Variants in KIAA1549 observed in about 807,000 individuals in gnomAD.
KIAA1549 encodes the protein UPF0606 protein KIAA1549.
Under a neutral mutation model 156.4 loss-of-function variants are expected in KIAA1549, and 70 were observed. The observed-to-expected ratio is 0.45, with a 90% CI of 0.37 to 0.55. The LOEUF is 0.55. Ranked by LOEUF, KIAA1549 falls within the 20% of genes least tolerant of loss-of-function variation. The pLI is 0.00. For synonymous variants in KIAA1549, 1,103 were observed against 1,066.4 expected (o/e 1.03, Z -0.67); for missense variants, 2,428 against 2,540.9 (o/e 0.96, Z 0.96).
chr7:138,959,809 T>A (rs960943395), intron 1 of KIAA1549, among the ~76,000 whole-genome samples: 4 of 152,224 alleles, frequency 2.6e-5, no homozygotes, highest in African/African-American at 9.6e-5. Flanking sequence ...TTTGTGAGGA[T>A]CAGAGAGCAA....
chr7:138,868,078 C>G lies in KIAA1549; in HGVS notation c.4826G>C (p.Gly1609Ala). Residue 1609 changes from glycine to alanine, a missense_variant, in exon 15 of 20, where the codon GGC becomes GCC. Physicochemically the swap from Gly to Ala is moderately conservative, Grantham distance 60. This residue lies in a region of KIAA1549 where 404 missense variants were observed against 417.0 expected (regional missense o/e 0.97). Coordinates refer to ENST00000422774, the MANE Select transcript of KIAA1549 (RefSeq NM_001164665.2). ...GTCCTTCTCAGCGTCGGCAGGACAGCCGTTGACCTGGTGTTTCCGGCGAGG... is the reference window on the plus strand; with the variant it reads ...GTCCTTCTCAGCGTCGGCAGGACAGGCGTTGACCTGGTGTTTCCGGCGAGG... Reference protein sequence around the residue: ...PKPRRKHQVNGCPADAEKDRL... With the variant: ...PKPRRKHQVNACPADAEKDRL... The G allele has an allele frequency of 6.2e-7, 1 of 1,613,856 alleles. No homozygotes were observed. The highest frequency in any genetic ancestry group is 8.5e-7 in the Non-Finnish European group (1 of 1,179,866).
intron 1 of KIAA1549, among the ~76,000 whole-genome samples, chr7:138,974,808 G>A (rs1469061606): frequency 6.7e-6 from 1 of 150,220 alleles, no homozygotes; most frequent in Non-Finnish European, 1.5e-5. Context: ...CTAGTTGCCT[G>A]GTCAAATAAA....
At chr7:138,898,226 G>C (rs1383944398) in intron 9 of KIAA1549, among the ~76,000 whole-genome samples, 2 of 149,168 alleles carry the variant, frequency 1.3e-5, no homozygotes, top group Non-Finnish European at 3.0e-5. Context: ...AGAATCACTT[G>C]AACCCGGGAG....
chr7:138,954,546 T>C (rs1813604672), intron 1 of KIAA1549, among the ~76,000 whole-genome samples: 1 of 152,120 alleles, frequency 6.6e-6, no homozygotes, highest in Non-Finnish European at 1.5e-5. Flanking sequence ...CAGGCTCCTG[T>C]TCTCTGGCCA....
chr7:138,879,470 G>A, intron 12 of KIAA1549, 68 bp downstream of exon 12: 3 of 893,600 alleles, frequency 3.4e-6, no homozygotes, highest in Non-Finnish European at 3.4e-6. Context: ...TTGAAATACT[G>A]TAAGGCCCCA....
rs574727442 is a variant in KIAA1549 at position 138,977,194 on chromosome 7, T to G, written c.187+3889A>C. Reference sequence around the variant, plus strand: ...TATGTAAAATTTAAAAGAAATTCCTTTGGAAGGGGAAAACGCAACATATAG... The same window carrying G: ...TATGTAAAATTTAAAAGAAATTCCTGTGGAAGGGGAAAACGCAACATATAG... On this transcript the variant is annotated intron_variant, in intron 1 of 19. Transcript: ENST00000422774. Among the ~76,000 whole-genome samples the G allele has an allele frequency of 2.0e-5, 3 of 152,328 alleles. No individual in the cohort carries two copies. In the South Asian group the frequency reaches 6.2e-4, roughly 32 times the overall value.
intron 1 of KIAA1549, among the ~76,000 whole-genome samples, chr7:138,919,938 G>T (rs777623939): frequency 3.3e-4 from 50 of 152,262 alleles, no homozygotes; most frequent in Non-Finnish European, 6.9e-4. Context: ...ACAACTCATT[G>T]CATCTCTCAC....
chr7:138,909,063 A>C lies in KIAA1549; in HGVS notation c.3204T>G (p.Ile1068Met). 3.1e-6 allele frequency: 5 copies of C among 1,613,916 alleles called. No individual in the cohort carries two copies. Among genetic ancestry groups the C allele is most frequent in the Non-Finnish European group, 4.2e-6 (5 of 1,179,818 alleles). ...DTGFCNFTQR[I>M]EKGLMTALFE... ...AGAGAGCTGTCATTAGGCCTTTCTC[A>C]ATGCGCTGGGTGAAGTTGCAGAAGC... Residue 1068 changes from isoleucine (I) to methionine (M), a missense_variant, in exon 5 of 20, where the codon ATT (isoleucine) becomes ATG (methionine). Ile to Met is a conservative substitution (Grantham distance 10, BLOSUM62 1). This residue lies in a region of KIAA1549 where 762 missense variants were observed against 901.6 expected (regional missense o/e 0.85). Coordinates refer to ENST00000422774, the MANE Select transcript of KIAA1549 (RefSeq NM_001164665.2).
intron 1 of KIAA1549, among the ~76,000 whole-genome samples, chr7:138,979,910 T>A (rs1029811643): frequency 1.2e-4 from 19 of 152,244 alleles, no homozygotes; most frequent in African/African-American, 4.3e-4. Flanking sequence ...GGCACTTCTC[T>A]GCCTTAGTTT....
At chr7:138,956,825 C>A (rs1240601298) in intron 1 of KIAA1549, among the ~76,000 whole-genome samples, 1 of 152,188 alleles carries the variant, frequency 6.6e-6, no homozygotes, top group Non-Finnish European at 1.5e-5. Context: ...ATTGTTAACT[C>A]ATAGAAGCAT....
chr7:138,931,530 T>C (rs550458879), intron 1 of KIAA1549, among the ~76,000 whole-genome samples: 20 of 152,230 alleles, frequency 1.3e-4, no homozygotes, highest in Non-Finnish European at 1.9e-4. Flanking sequence ...GGTGGGTGGA[T>C]CACCTAAGGT....
At chr7:138,955,438 A>C (rs1813633685) in intron 1 of KIAA1549, among the ~76,000 whole-genome samples, 1 of 152,222 alleles carries the variant, frequency 6.6e-6, no homozygotes. Context: ...TCATAGAGAC[A>C]GAAAGTAGAA....
At chr7:138,941,486 AG>A (rs1366742065) in intron 1 of KIAA1549, among the ~76,000 whole-genome samples, 1 of 152,240 alleles carries the variant, frequency 6.6e-6, no homozygotes, top group African/African-American at 2.4e-5. Flanking sequence ...ATGGTTAAAC[AG>A]TTTCAAATTC....
chr7:138,956,498 T>C (rs1046008855), intron 1 of KIAA1549, among the ~76,000 whole-genome samples: 1 of 152,120 alleles, frequency 6.6e-6, no homozygotes, highest in Non-Finnish European at 1.5e-5. Flanking sequence ...AATTGAATCG[T>C]GGGGGTGGTT....
At chr7:138,924,247 C>T (rs10259062) in intron 1 of KIAA1549, among the ~76,000 whole-genome samples, 42,876 of 143,418 alleles carry the variant, frequency 0.3, 7,852 homozygotes, top group African/African-American at 0.53. Flanking sequence ...AAGTTATAAA[C>T]GTAAGAAGTA....
At chr7:138,855,117 G>A (rs1454476569) in intron 16 of KIAA1549, among the ~76,000 whole-genome samples, 1 of 152,114 alleles carries the variant, frequency 6.6e-6, no homozygotes, top group Non-Finnish European at 1.5e-5. Flanking sequence ...GGGAGGGAGG[G>A]GGAATCAGGA....
At chr7:138,880,622 A>C (rs1811214147) in intron 11 of KIAA1549, among the ~76,000 whole-genome samples, 2 of 152,216 alleles carry the variant, frequency 1.3e-5, no homozygotes, top group Non-Finnish European at 2.9e-5. Flanking sequence ...AGAAAGGCTG[A>C]CAACAGGAGG....
intron 1 of KIAA1549, among the ~76,000 whole-genome samples, chr7:138,940,820 G>C (rs1424683518): frequency 6.6e-6 from 1 of 152,202 alleles, no homozygotes; most frequent in East Asian, 1.9e-4. Flanking sequence ...CTTCTTTTGA[G>C]AAGTGTCTGT....
At position 138,911,293 on chromosome 7, in the gene KIAA1549, G is replaced by C; in HGVS notation, c.2998C>G (p.Leu1000Val). The change falls in exon 4 of 20, where the codon CTG (leucine) becomes GTG (valine). Residue 1000 changes from leucine (L) to valine (V), a missense_variant. Physicochemically the swap from Leu to Val is conservative, Grantham distance 32. Coordinates refer to ENST00000422774, the MANE Select transcript of KIAA1549 (RefSeq NM_001164665.2). ...TAAACGAAAGGACCGGATGTTACCA[G>C]AAAAGTGAAGTCAGTAAATAGTTCG... Reference protein sequence around the residue: ...VYELFTDFTFLVTSGPFVYTA... With the variant: ...VYELFTDFTFVVTSGPFVYTA... 6.3e-7 allele frequency: 1 copy of C among 1,599,156 alleles called. No homozygotes were observed. The highest frequency in any genetic ancestry group is 1.1e-5 in the South Asian group (1 of 88,058).
Sources: gnomAD v4.1 joint callset for allele counts (sites outside exome capture counted in the v4.1 genomes callset) on GRCh38, gnomAD v4.1.1 for gene constraint, gnomAD v4.1.1 regional missense constraint, MANE v1.5 for transcripts, NCBI Gene and HGNC (gene_info 2026-07-23, HGNC 2026-07-21) for gene names.